LRCH2: variants seen among roughly 807,000 people sequenced by gnomAD.
LRCH2 encodes the protein leucine rich repeats and calponin homology domain containing 2.
A neutral mutation model predicts 68.9 loss-of-function variants in LRCH2; 38 were observed. The ratio of observed to expected loss-of-function variants is 0.55; its 90% CI spans 0.43 to 0.72. The LOEUF is 0.72. LRCH2 is among the 30% of genes least tolerant of loss of function. The pLI, the probability that LRCH2 is intolerant of heterozygous loss-of-function variation, is 0.00. For synonymous variants in LRCH2, 191 were observed against 208.1 expected (o/e 0.92, Z 0.71); for missense variants, 528 against 572.9 (o/e 0.92, Z 0.80).
intron 12 of LRCH2, 92 bp downstream of exon 12, chrX:115,156,510 A>G (rs2072475993): frequency 2.1e-6 from 1 of 483,433 alleles, no homozygotes; most frequent in African/African-American, 2.5e-5. Context: ...TGTATCACTT[A>G]TTTAATTAAA....
intron 11 of LRCH2, among the ~76,000 whole-genome samples, chrX:115,161,074 C>T (rs1220228098): frequency 8.9e-6 from 1 of 112,183 alleles, no homozygotes; most frequent in East Asian, 2.8e-4. Flanking sequence ...GCTCTTTGGC[C>T]GGGCGTGGTG....
chrX:115,192,458 G>C, intron 1 of LRCH2: 1 of 1,169,709 alleles, frequency 8.5e-7, no homozygotes, highest in African/African-American at 1.8e-5. Flanking sequence ...AACAGTTACG[G>C]CCGGAGCGAC....
rs781859119 is a variant in LRCH2 at position 115,190,312 on chromosome X, T to C, written c.350-1942A>G. On this transcript the variant is annotated intron_variant, in intron 1 of 20. Transcript: ENST00000317135. ...TGGCTACAGGGGTCGCGACCATGAG[T>C]ACACAGATCATCCCAGCAAAGGCTC... 16 of 1,153,807 alleles carry C rather than the reference T, an allele frequency of 1.4e-5. No individual in the cohort carries two copies. In the East Asian group the frequency reaches 5.3e-4, roughly 38 times the overall value.
intron 6 of LRCH2, among the ~76,000 whole-genome samples, chrX:115,168,191 A>G (rs181808743): frequency 8.9e-6 from 1 of 112,190 alleles, no homozygotes; most frequent in African/African-American, 3.2e-5. Context: ...TAAAGAGTTT[A>G]CAAAACAGAC....
chrX:115,158,384 C>G (rs1359809064), intron 11 of LRCH2, among the ~76,000 whole-genome samples: 6 of 111,828 alleles, frequency 5.4e-5, no homozygotes, highest in African/African-American at 1.9e-4. Flanking sequence ...ACATAGATTT[C>G]AAGGACTGAG....
At chrX:115,124,347 A>C (rs2147346853) in intron 16 of LRCH2, among the ~76,000 whole-genome samples, 1 of 112,485 alleles carries the variant, frequency 8.9e-6, no homozygotes, top group Admixed American at 9.5e-5. Flanking sequence ...AAGGTAAGTG[A>C]ATTTAGCATT....
chrX:115,136,039 G>A (rs1556531878), intron 14 of LRCH2, among the ~76,000 whole-genome samples: 1 of 111,773 alleles, frequency 8.9e-6, no homozygotes, highest in Non-Finnish European at 1.9e-5. Context: ...TTATTGAATA[G>A]ATATTTGCTT....
chrX:115,135,040 ATCAG>A (rs2072276961), intron 14 of LRCH2, among the ~76,000 whole-genome samples: 1 of 111,469 alleles, frequency 9.0e-6, no homozygotes, highest in Non-Finnish European at 1.9e-5. Flanking sequence ...GGCTCAAGAC[ATCAG>A]TGGAGGAAAT....
At chrX:115,128,371 T>C (rs2072216435) in intron 15 of LRCH2, among the ~76,000 whole-genome samples, 2 of 112,063 alleles carry the variant, frequency 1.8e-5, no homozygotes, top group African/African-American at 6.5e-5. Flanking sequence ...CCAGACCCTT[T>C]ATAATATATG....
chrX:115,223,170 C>A (rs1324378391), intron 1 of LRCH2, among the ~76,000 whole-genome samples: 1 of 110,220 alleles, frequency 9.1e-6, no homozygotes, highest in African/African-American at 3.3e-5. Context: ...TCTTACATGA[C>A]ACACAAAAAT....
At chrX:115,201,284 T>C (rs948572817) in intron 1 of LRCH2, among the ~76,000 whole-genome samples, 41 of 111,885 alleles carry the variant, frequency 3.7e-4, no homozygotes, top group African/African-American at 1.2e-3. Flanking sequence ...AGATGAGATC[T>C]GGGTGGGGAC....
At chrX:115,180,831 G>A (rs1323178333) in intron 3 of LRCH2, among the ~76,000 whole-genome samples, 1 of 111,657 alleles carries the variant, frequency 9.0e-6, no homozygotes, top group Non-Finnish European at 1.9e-5. Flanking sequence ...CATTTGCTAG[G>A]TACTGTTCCA....
chrX:115,200,657 A>G (rs947402903), intron 1 of LRCH2, among the ~76,000 whole-genome samples: 2 of 110,864 alleles, frequency 1.8e-5, no homozygotes, highest in East Asian at 2.9e-4. Flanking sequence ...AAATCCCAAT[A>G]AAGACAAGCT....
intron 5 of LRCH2, among the ~76,000 whole-genome samples, chrX:115,178,570 G>C (rs782395826): frequency 2.0e-4 from 22 of 111,857 alleles, no homozygotes; most frequent in African/African-American, 6.8e-4. Flanking sequence ...TCCCAGGTTT[G>C]ACGCTGTAAA....
chrX:115,163,034 C>T (rs1236390992), intron 11 of LRCH2, among the ~76,000 whole-genome samples: 1 of 111,472 alleles, frequency 9.0e-6, no homozygotes, highest in Non-Finnish European at 1.9e-5. Flanking sequence ...TCACACAGTA[C>T]CCTTCTCATT....
At chrX:115,159,699 C>T (rs2072502848) in intron 11 of LRCH2, among the ~76,000 whole-genome samples, 2 of 105,209 alleles carry the variant, frequency 1.9e-5, no homozygotes, top group African/African-American at 7.0e-5. Context: ...TGCAGTGAAC[C>T]GAGATCACGC....
At chrX:115,131,448 T>C (rs2072244492) in intron 14 of LRCH2, among the ~76,000 whole-genome samples, 1 of 111,673 alleles carries the variant, frequency 9.0e-6, no homozygotes, top group African/African-American at 3.3e-5. Context: ...TCCTTTTTTA[T>C]GGCTGCAGAG....
chrX:115,208,838 A>T (rs1352454986), intron 1 of LRCH2, among the ~76,000 whole-genome samples: 1 of 112,174 alleles, frequency 8.9e-6, no homozygotes, highest in African/African-American at 3.2e-5. Context: ...TTTTAAAAAA[A>T]TCCTAGGTAA....
At chrX:115,203,888 G>A (rs1301377378) in intron 1 of LRCH2, among the ~76,000 whole-genome samples, 5 of 112,217 alleles carry the variant, frequency 4.5e-5, no homozygotes, top group Non-Finnish European at 9.4e-5. Flanking sequence ...AGCTTCACTA[G>A]GCACTGCCCC....
Sources: allele counts gnomAD v4.1 joint callset (sites outside exome capture counted in the v4.1 genomes callset), GRCh38; gene constraint gnomAD v4.1.1; transcripts MANE v1.5; gene names NCBI Gene and HGNC (gene_info 2026-07-23, HGNC 2026-07-21).